The following COBLL1 variants were observed in gnomAD, a reference collection of about 807,000 sequenced individuals.
COBLL1 encodes the protein cordon-bleu WH2 repeat protein like 1, also known as cordon-bleu protein-like 1.
A neutral mutation model predicts 94.8 loss-of-function variants in COBLL1; 50 were observed. That is an observed-to-expected ratio of 0.53 (90% CI 0.42 to 0.67). The LOEUF is 0.67. Ranked by LOEUF, COBLL1 falls within the 30% of genes least tolerant of loss-of-function variation. The probability of loss-of-function intolerance (pLI) is 0.00; values close to 1 mark genes in which losing one functional copy is unlikely to be tolerated. For synonymous variants in COBLL1, 448 were observed against 473.8 expected (o/e 0.95, Z 0.71); for missense variants, 1,362 against 1,348.7 (o/e 1.01, Z -0.15).
intron 2 of COBLL1, among the ~76,000 whole-genome samples, chr2:164,753,900 C>A (rs1012861367): frequency 6.6e-6 from 1 of 151,918 alleles, no homozygotes; most frequent in Non-Finnish European, 1.5e-5. Flanking sequence ...CATTACCATG[C>A]CCAGCTAATT....
chr2:164,685,863 G>T lies in COBLL1; in HGVS notation c.*83C>A. The T allele has an allele frequency of 1.4e-6, 1 of 712,894 alleles. No homozygotes were observed. The highest frequency in any genetic ancestry group is 1.9e-5 in the South Asian group (1 of 52,470). 44.2% of individuals were successfully genotyped at this position (712,894 alleles called of 1,614,324 possible). ...ATAGATAATATATTAGTGTACATCT[G>T]AATATACATTTGCCAAAATGTTCCA... On this transcript the variant is annotated 3_prime_UTR_variant, in exon 14 of 14. Transcript: ENST00000652658.
chr2:164,837,483 C>G (rs1303586165), intron 2 of COBLL1: 1 of 464,342 alleles, frequency 2.2e-6, no homozygotes, highest in Non-Finnish European at 4.5e-6. Context: ...ACCAGTGTCT[C>G]CAACATTTTT....
intron 7 of COBLL1, chr2:164,705,519 C>T (rs1684542263): frequency 6.5e-6 from 1 of 152,824 alleles, no homozygotes; most frequent in Admixed American, 6.5e-5. Flanking sequence ...GTGAGGAACA[C>T]TGCAAAAATC....
intron 2 of COBLL1, among the ~76,000 whole-genome samples, chr2:164,798,437 A>C (rs1053064979): frequency 1.3e-5 from 2 of 152,372 alleles, no homozygotes; most frequent in East Asian, 3.9e-4. Flanking sequence ...AAATTGTCAC[A>C]AAGAGATTAC....
At chr2:164,732,908 A>C (rs903477909) in intron 3 of COBLL1, among the ~76,000 whole-genome samples, 1 of 152,196 alleles carries the variant, frequency 6.6e-6, no homozygotes, top group Non-Finnish European at 1.5e-5. Context: ...ACAAAAAATT[A>C]GCCAGGCATG....
intron 2 of COBLL1, among the ~76,000 whole-genome samples, chr2:164,781,408 T>A (rs933584154): frequency 3.3e-5 from 5 of 152,160 alleles, no homozygotes; most frequent in Non-Finnish European, 7.4e-5. Context: ...TGGGCCAATA[T>A]TTAATTTTTA....
chr2:164,676,198 T>TACC (rs1401957855), downstream of COBLL1, among the ~76,000 whole-genome samples: 1 of 152,238 alleles, frequency 6.6e-6, no homozygotes, highest in African/African-American at 2.4e-5. Context: ...AGATAATGTA[T>TACC]ACCATAATTT....
rs1239713405 is a variant in COBLL1, at chr2:164,708,585, C to A, written c.997-3480G>T. Among the ~76,000 whole-genome samples the A allele has an allele frequency of 2.0e-5, 3 of 152,046 alleles. No individual in the cohort carries two copies. The East Asian group carries it at 5.8e-4, about 29-fold the overall frequency. Reference sequence around the variant, plus strand: ...ATTTAGGAAACATCAGAAAAAAGGCCAAAAGTTCTCCCAAAAGAACATGGC... The same window carrying A: ...ATTTAGGAAACATCAGAAAAAAGGCAAAAAGTTCTCCCAAAAGAACATGGC... On this transcript the variant is annotated intron_variant, in intron 7 of 13. Coordinates refer to ENST00000652658, the MANE Select transcript of COBLL1 (RefSeq NM_001365672.2).
intron 2 of COBLL1, among the ~76,000 whole-genome samples, chr2:164,792,261 T>A (rs550830197): frequency 4.9e-4 from 75 of 152,142 alleles, no homozygotes; most frequent in Admixed American, 1.4e-3. Flanking sequence ...CCCTTGTAGC[T>A]GGAACTACAG....
chr2:164,842,020 T>G, upstream of COBLL1: 3 of 1,538,706 alleles, frequency 1.9e-6, no homozygotes, highest in Non-Finnish European at 2.6e-6. Flanking sequence ...CGGCCGCACA[T>G]AAGTGGGGAC....
At chr2:164,840,839 C>T (rs1683563304) in intron 2 of COBLL1, 1 of 294,776 alleles carries the variant, frequency 3.4e-6, no homozygotes, top group Non-Finnish European at 6.2e-6. Flanking sequence ...TCCACCGCTC[C>T]CCCAGAGCCC....
At chr2:164,712,040 A>C (rs757447723) in intron 7 of COBLL1, among the ~76,000 whole-genome samples, 7 of 152,214 alleles carry the variant, frequency 4.6e-5, no homozygotes, top group Admixed American at 2.0e-4. Context: ...AAACCATGCC[A>C]GATTGTTAAT....
chr2:164,699,541 A>T (rs1400604127), intron 10 of COBLL1, 42 bp from the exon 11 acceptor site: 1 of 1,134,376 alleles, frequency 8.8e-7, no homozygotes, highest in Admixed American at 1.7e-5. Context: ...GATACTATTG[A>T]AACACACACA....
intron 1 of COBLL1, among the ~76,000 whole-genome samples, chr2:164,672,624 G>A (rs1040451971): frequency 6.7e-6 from 1 of 148,746 alleles, no homozygotes; most frequent in South Asian, 2.1e-4. Context: ...GCGTGAACCC[G>A]GGAAGCGGAG....
chr2:164,819,970 C>T (rs1032346553), intron 2 of COBLL1, among the ~76,000 whole-genome samples: 1 of 149,398 alleles, frequency 6.7e-6, no homozygotes, highest in Non-Finnish European at 1.5e-5. Context: ...GAATTACAGG[C>T]ATCTGCCACC....
At chr2:164,663,792 C>A (rs1032318286) in intron 2 of COBLL1, among the ~76,000 whole-genome samples, 2 of 152,104 alleles carry the variant, frequency 1.3e-5, no homozygotes, top group African/African-American at 4.8e-5. Context: ...ATACTGGGAA[C>A]ACCAAATTAG....
intron 2 of COBLL1, among the ~76,000 whole-genome samples, chr2:164,799,511 G>T (rs1329403961): frequency 6.6e-6 from 1 of 152,194 alleles, no homozygotes. Flanking sequence ...AGAAGACTCA[G>T]TACAGTGAAG....
intron 2 of COBLL1, among the ~76,000 whole-genome samples, chr2:164,818,221 T>C (rs1270804700): frequency 2.0e-5 from 3 of 150,772 alleles, no homozygotes; most frequent in Non-Finnish European, 4.4e-5. Context: ...TATATATACA[T>C]ATATACATAT....
chr2:164,754,786 G>A (rs935926953), intron 2 of COBLL1, among the ~76,000 whole-genome samples: 1 of 152,142 alleles, frequency 6.6e-6, no homozygotes, highest in Non-Finnish European at 1.5e-5. Flanking sequence ...ATATTTAAAG[G>A]AAACATGTAA....
Sources: allele counts gnomAD v4.1 joint callset (sites outside exome capture counted in the v4.1 genomes callset), GRCh38; gene constraint gnomAD v4.1.1; transcripts MANE v1.5; gene names NCBI Gene and HGNC (gene_info 2026-07-23, HGNC 2026-07-21).